The following GARIN4 variants were observed in gnomAD, a reference collection of about 807,000 sequenced individuals.
GARIN4 encodes golgi associated RAB2 interactor family member 4.
At chr1:212,626,654 G>A in the GARIN4 span, 36 of 1,598,488 alleles carry the variant, frequency 2.3e-5, no homozygotes, top group Middle Eastern at 3.4e-4. Context: ...GACCTTTGAA[G>A]CCCATTAAAT....
chr1:212,625,792 T>C, the GARIN4 span: 1 of 1,614,156 alleles, frequency 6.2e-7, no homozygotes, highest in Non-Finnish European at 8.5e-7. Flanking sequence ...ATTCTGCCCC[T>C]GGACAGGTGA....
chr1:212,626,319 C>T, the GARIN4 span: 14 of 1,614,028 alleles, frequency 8.7e-6, no homozygotes, highest in African/African-American at 4.0e-5. Flanking sequence ...TGTGGCAACC[C>T]GGGGAGCAGC....
At chr1:212,625,296 G>A in the GARIN4 span, 461 of 1,614,220 alleles carry the variant, frequency 2.9e-4, 1 homozygote, top group African/African-American at 5.3e-3. Flanking sequence ...CAACAGCTGC[G>A]CCTGAAGTTC....
At chr1:212,626,451 G>A in the GARIN4 span, 2 of 1,614,220 alleles carry the variant, frequency 1.2e-6, no homozygotes, top group Non-Finnish European at 1.7e-6. Flanking sequence ...GGACTTGGCA[G>A]GGTCAGCTCT....
the GARIN4 span, chr1:212,625,172 G>T: frequency 6.2e-7 from 1 of 1,614,034 alleles, no homozygotes; most frequent in Non-Finnish European, 8.5e-7. Flanking sequence ...CGAAGAGTAT[G>T]CTGGACATGG....
At chr1:212,626,109 A>G in the GARIN4 span, 1 of 1,614,102 alleles carries the variant, frequency 6.2e-7, no homozygotes, top group African/African-American at 1.3e-5. Context: ...CATGGAAGGG[A>G]GCGAACCCAG....
chr1:212,625,468 G>T, the GARIN4 span: 1 of 1,614,198 alleles, frequency 6.2e-7, no homozygotes, highest in Non-Finnish European at 8.5e-7. Flanking sequence ...GGATGCCTGT[G>T]TTTCAGGAAG....
chr1:212,626,017 GA>G, the GARIN4 span: 11 of 1,614,252 alleles, frequency 6.8e-6, no homozygotes, highest in Non-Finnish European at 8.5e-6. Context: ...TGACCAGCAG[GA>G]CAGCTGCAGA....
the GARIN4 span, chr1:212,625,560 C>T: frequency 6.2e-7 from 1 of 1,614,196 alleles, no homozygotes; most frequent in African/African-American, 1.3e-5. Context: ...CACATGGTCT[C>T]TGAGGTGTGT....
At chr1:212,624,715 C>G in the GARIN4 span, 1 of 1,367,684 alleles carries the variant, frequency 7.3e-7, no homozygotes, top group South Asian at 1.6e-5. Flanking sequence ...CTGGGAGGCT[C>G]TGAGGCAACA....
chr1:212,626,069 C>T, the GARIN4 span: 34 of 1,614,042 alleles, frequency 2.1e-5, no homozygotes, highest in South Asian at 1.4e-4. Context: ...CGTCTCCACC[C>T]GGCAGAGCAA....
chr1:212,626,035 C>T, the GARIN4 span: 1 of 1,614,218 alleles, frequency 6.2e-7, no homozygotes. Context: ...CAGAAGCAGA[C>T]ATGGATGCAG....
the GARIN4 span, chr1:212,625,974 G>A: frequency 6.2e-7 from 1 of 1,614,250 alleles, no homozygotes; most frequent in East Asian, 2.2e-5. Context: ...TCCCGAGAGG[G>A]CAGTGTGAGC....
At chr1:212,626,101 T>C in the GARIN4 span, 1 of 1,613,724 alleles carries the variant, frequency 6.2e-7, no homozygotes, top group Non-Finnish European at 8.5e-7. Context: ...GTGGACAGCA[T>C]GGAAGGGAGC....
the GARIN4 span, chr1:212,625,900 G>A: frequency 6.2e-7 from 1 of 1,614,242 alleles, no homozygotes; most frequent in Non-Finnish European, 8.5e-7. Context: ...ACAGCACGAA[G>A]GTGGCTGTGG....
At chr1:212,625,099 A>C in the GARIN4 span, 3 of 1,614,158 alleles carry the variant, frequency 1.9e-6, no homozygotes, top group Non-Finnish European at 2.5e-6. Flanking sequence ...TGGGCATTGC[A>C]CGTACCAGCC....
At chr1:212,626,159 G>GAA in the GARIN4 span, 4 of 1,614,162 alleles carry the variant, frequency 2.5e-6, no homozygotes, top group Non-Finnish European at 3.4e-6. Flanking sequence ...GGAAAGAAGG[G>GAA]AAAAGGACAG....
At chr1:212,624,711 G>A in the GARIN4 span, 1 of 1,326,706 alleles carries the variant, frequency 7.5e-7, no homozygotes, top group Non-Finnish European at 9.9e-7. Flanking sequence ...GCCTCTGGGA[G>A]GCTCTGAGGC....
chr1:212,624,524 C>G, the GARIN4 span: 1 of 173,700 alleles, frequency 5.8e-6, no homozygotes, highest in Admixed American at 5.7e-5. Flanking sequence ...TAGTCTCTCT[C>G]AGGGAGAGAG....
Sources: allele counts gnomAD v4.1 joint callset, GRCh38; gene constraint gnomAD v4.1.1; transcripts MANE v1.5; gene names NCBI Gene and HGNC (gene_info 2026-07-23, HGNC 2026-07-21).